Variants in PBK observed in about 807,000 individuals in gnomAD.
The protein encoded by PBK is PDZ binding kinase.
PBK carries 22 observed loss-of-function variants against 33.5 expected under a neutral mutation model. That is an observed-to-expected ratio of 0.66 (90% CI 0.47 to 0.94). PBK has a LOEUF of 0.94. Ranked by LOEUF, PBK falls within the 40% of genes least tolerant of loss-of-function variation. The pLI is 0.00. For synonymous variants in PBK, 129 were observed against 123.8 expected (o/e 1.04, Z -0.28); for missense variants, 376 against 383.4 (o/e 0.98, Z 0.16).
chr8:27,815,165 G>C (rs929233699), intron 6 of PBK, among the ~76,000 whole-genome samples: 14 of 151,920 alleles, frequency 9.2e-5, no homozygotes, highest in African/African-American at 3.1e-4. Flanking sequence ...AAGGAAAAGA[G>C]GATGAAACTA....
intron 6 of PBK, among the ~76,000 whole-genome samples, chr8:27,813,912 TTTC>T (rs933870562): frequency 2.7e-5 from 4 of 149,998 alleles, no homozygotes; most frequent in South Asian, 2.1e-4. Context: ...ATGATTTTTT[TTTC>T]TTATCAGTTT....
At chr8:27,816,556 T>C (rs1805819012) in intron 6 of PBK, among the ~76,000 whole-genome samples, 1 of 151,636 alleles carries the variant, frequency 6.6e-6, no homozygotes, top group African/African-American at 2.4e-5. Context: ...TTTTGTATTT[T>C]TAGTAGAGAC....
At chr8:27,824,404 T>C (rs1267041531) in intron 3 of PBK, among the ~76,000 whole-genome samples, 2 of 150,520 alleles carry the variant, frequency 1.3e-5, no homozygotes, top group African/African-American at 2.4e-5. Flanking sequence ...AAAAGACTAA[T>C]AGAAAAAAGG....
At chr8:27,827,752 G>A (rs997938737) in intron 3 of PBK, among the ~76,000 whole-genome samples, 1 of 152,208 alleles carries the variant, frequency 6.6e-6, no homozygotes, top group African/African-American at 2.4e-5. Flanking sequence ...AGCAGTCACT[G>A]ACATCACCCA....
At chr8:27,834,714 C>T (rs955290659) in intron 1 of PBK, among the ~76,000 whole-genome samples, 3 of 151,926 alleles carry the variant, frequency 2.0e-5, no homozygotes, top group Admixed American at 6.6e-5. Context: ...GCCAACATGG[C>T]GAAACCTCGT....
chr8:27,822,626 C>CT, intron 4 of PBK, 138 bp from the exon 5 acceptor site: 1 of 559,140 alleles, frequency 1.8e-6, no homozygotes, highest in Non-Finnish European at 3.0e-6. Context: ...ATTTACAAGA[C>CT]TAATTCAGTA....
intron 3 of PBK, among the ~76,000 whole-genome samples, chr8:27,826,604 G>A (rs1202625614): frequency 2.7e-5 from 3 of 109,172 alleles, no homozygotes; most frequent in African/African-American, 8.6e-5. Flanking sequence ...AGACCATCCT[G>A]GCTAACACGG....
At chr8:27,810,878 A>ATATC in intron 7 of PBK, 80 bp downstream of exon 7, 1 of 928,234 alleles carries the variant, frequency 1.1e-6, no homozygotes, top group Non-Finnish European at 1.7e-6. Context: ...GTACTAATAC[A>ATATC]TATCTTAGAA....
intron 1 of PBK, among the ~76,000 whole-genome samples, chr8:27,837,385 GAAAC>G (rs1362800196): frequency 6.6e-6 from 1 of 152,210 alleles, no homozygotes; most frequent in African/African-American, 2.4e-5. Flanking sequence ...GGAGAAAAGA[GAAAC>G]AAAGTAGATG....
chr8:27,832,976 G>T, intron 2 of PBK, 80 bp downstream of exon 2: 1 of 771,758 alleles, frequency 1.3e-6, no homozygotes, highest in Non-Finnish European at 2.1e-6. Context: ...CGATAATAAA[G>T]GATCAAACTA....
chr8:27,822,464 T>C lies in PBK; in HGVS notation c.320A>G (p.Asn107Ser), dbSNP rs3779620. ...CATAGCAAGACACAGACTGCCATCATTGGCTTCAGTAAAAGCACGATAACC... is the reference window on the plus strand; with the variant it reads ...CATAGCAAGACACAGACTGCCATCACTGGCTTCAGTAAAAGCACGATAACC... ...IVGYRAFTEA[N>S]DGSLCLAMEY... is the part of the protein sequence containing the mutation. Residue 107 changes from asparagine to serine, a missense_variant, in exon 5 of 8, where the codon AAT (asparagine) becomes AGT (serine). Physicochemically the swap from Asn to Ser is conservative, Grantham distance 46. Coordinates refer to ENST00000301905, the MANE Select transcript of PBK (RefSeq NM_018492.4). 0.12 allele frequency: 187,292 copies of C among 1,605,832 alleles called. 13,988 individuals carry two copies. Among genetic ancestry groups the C allele is most frequent in the East Asian group, 0.34 (15,315 of 44,746 alleles).
At chr8:27,819,634 T>G (rs1263359566) in intron 6 of PBK, among the ~76,000 whole-genome samples, 1 of 152,134 alleles carries the variant, frequency 6.6e-6, no homozygotes, top group Non-Finnish European at 1.5e-5. Flanking sequence ...TATGGTCAAT[T>G]TTAATAAATA....
chr8:27,814,816 TGTTA>T (rs920139550), intron 6 of PBK, among the ~76,000 whole-genome samples: 1 of 152,194 alleles, frequency 6.6e-6, no homozygotes, highest in African/African-American at 2.4e-5. Flanking sequence ...TTAGATATCT[TGTTA>T]GTGATTTCTA....
intron 2 of PBK, among the ~76,000 whole-genome samples, chr8:27,830,304 T>C (rs933960929): frequency 6.9e-6 from 1 of 144,552 alleles, no homozygotes; most frequent in Non-Finnish European, 1.5e-5. Flanking sequence ...AAGGAAAATC[T>C]GAGCATAACG....
At chr8:27,814,554 G>T (rs1805774178) in intron 6 of PBK, among the ~76,000 whole-genome samples, 1 of 151,460 alleles carries the variant, frequency 6.6e-6, no homozygotes, top group African/African-American at 2.4e-5. Flanking sequence ...CCTTCCTTTG[G>T]ATTTGCTCTG....
At chr8:27,826,311 A>C (rs1806023011) in intron 3 of PBK, among the ~76,000 whole-genome samples, 1 of 152,222 alleles carries the variant, frequency 6.6e-6, no homozygotes. Flanking sequence ...TTCTCAAAAA[A>C]ATATATCTTC....
intron 3 of PBK, among the ~76,000 whole-genome samples, chr8:27,827,747 T>C (rs899558740): frequency 6.6e-6 from 1 of 152,224 alleles, no homozygotes; most frequent in Non-Finnish European, 1.5e-5. Context: ...AAGACAGCAG[T>C]CACTGACATC....
At chr8:27,817,151 G>A (rs549314726) in intron 6 of PBK, among the ~76,000 whole-genome samples, 11 of 152,194 alleles carry the variant, frequency 7.2e-5, no homozygotes, top group Admixed American at 2.0e-4. Flanking sequence ...TAAAGGAGCT[G>A]CCAACACATT....
intron 6 of PBK, among the ~76,000 whole-genome samples, chr8:27,813,629 T>TTG (rs1311294924): frequency 6.6e-6 from 1 of 152,130 alleles, no homozygotes; most frequent in Non-Finnish European, 1.5e-5. Flanking sequence ...TACCATTTTT[T>TTG]TGTGTGTGTG....
Sources: gnomAD v4.1 joint callset for allele counts (sites outside exome capture counted in the v4.1 genomes callset) on GRCh38, gnomAD v4.1.1 for gene constraint, MANE v1.5 for transcripts, NCBI Gene and HGNC (gene_info 2026-07-23, HGNC 2026-07-21) for gene names.